FAT4: variants seen among roughly 807,000 people sequenced by gnomAD.
FAT4 encodes FAT atypical cadherin 4.
Under a neutral mutation model 303.9 loss-of-function variants are expected in FAT4, and 84 were observed. That is an observed-to-expected ratio of 0.28 (90% CI 0.23 to 0.33). FAT4 has a LOEUF of 0.33. FAT4 is among the 10% of genes least tolerant of loss of function. FAT4 has a pLI of 1.00. For missense variants in FAT4, 6,005 were observed against 6,146.8 expected (o/e 0.98, Z 0.77); for synonymous variants, 2,307 against 2,298.8 (o/e 1.00, Z -0.10).
intron 4 of FAT4, 26 bp downstream of exon 4, chr4:125,407,167 T>C: frequency 6.3e-7 from 1 of 1,579,560 alleles, no homozygotes; most frequent in Non-Finnish European, 8.6e-7. Context: ...CTTATGTGTA[T>C]TTTGCAAGAA....
chr4:125,356,371 A>G (rs571947635), intron 2 of FAT4, among the ~76,000 whole-genome samples: 1 of 152,148 alleles, frequency 6.6e-6, no homozygotes, highest in African/African-American at 2.4e-5. Context: ...TGTGGTCAAT[A>G]TTTATTTTAT....
intron 3 of FAT4, among the ~76,000 whole-genome samples, chr4:125,403,124 C>T (rs1734450503): frequency 6.6e-6 from 1 of 152,006 alleles, no homozygotes; most frequent in Non-Finnish European, 1.5e-5. Flanking sequence ...AATAAAATAA[C>T]AACTATCATT....
In FAT4 at chr4:125,318,629, G is replaced by A. The variant is rs1730759295; in HGVS notation, c.2218G>A (p.Ala740Thr). 1 of 1,614,142 alleles carries A rather than the reference G, an allele frequency of 6.2e-7. No homozygotes were observed. The highest frequency in any genetic ancestry group is 8.5e-7 in the Non-Finnish European group (1 of 1,180,014). The change falls in exon 2 of 18, where the codon GCT (alanine) becomes ACT (threonine). Residue 740 changes from alanine to threonine, a missense_variant. Transcript: ENST00000394329. ...GGACAGGTCTCGGTTTCAGGTCAAT[G>A]CTCAGAGTGGGGTTATTTCTACAAG... ...AGDRSRFQVN[A>T]QSGVISTRMA...
chr4:125,473,240 A>C (rs1255742062), intron 12 of FAT4, among the ~76,000 whole-genome samples: 1 of 152,120 alleles, frequency 6.6e-6, no homozygotes, highest in Admixed American at 6.6e-5. Context: ...CACAACCCAC[A>C]TATAACCTTT....
At chr4:125,420,719 C>T (rs147112344) in intron 7 of FAT4, among the ~76,000 whole-genome samples, 1 of 152,278 alleles carries the variant, frequency 6.6e-6, no homozygotes, top group African/African-American at 2.4e-5. Context: ...GGCTTTAATT[C>T]AGTTTCAAGT....
rs745521019 is a variant in FAT4 at position 125,446,570 on chromosome 4, T to G, written c.7450+27T>G. ...TAATCAACCAAATTCTGAGGCCACA[T>G]GGATATAAACAAACTATGTATCAGA... is the stretch of plus-strand genomic sequence containing the variant. On this transcript the variant is annotated intron_variant, in intron 9 of 17. Coordinates refer to ENST00000394329, the MANE Select transcript of FAT4 (RefSeq NM_001291303.3). The G allele has an allele frequency of 7.6e-6, 12 of 1,581,852 alleles. No homozygotes were observed. In the African/African-American group the frequency reaches 1.3e-4, roughly 18 times the overall value.
Sources: allele counts gnomAD v4.1 joint callset (sites outside exome capture counted in the v4.1 genomes callset), GRCh38; gene constraint gnomAD v4.1.1; transcripts MANE v1.5; gene names NCBI Gene and HGNC (gene_info 2026-07-23, HGNC 2026-07-21).